The following ATP4A variants were observed in gnomAD, a reference collection of about 807,000 sequenced individuals.
ATP4A encodes the protein ATPase H+/K+ transporting subunit alpha, also known as potassium-transporting ATPase alpha chain 1.
ATP4A carries 73 observed loss-of-function variants against 112.1 expected under a neutral mutation model. The ratio of observed to expected loss-of-function variants is 0.65; its 90% CI spans 0.54 to 0.79. The LOEUF (loss-of-function observed/expected upper bound fraction) is 0.79. Ranked by LOEUF, ATP4A falls within the 30% of genes least tolerant of loss-of-function variation. ATP4A has a pLI of 0.00. For missense variants in ATP4A, 1,081 were observed against 1,425.9 expected (o/e 0.76, Z 3.90); for synonymous variants, 588 against 588.9 (o/e 1.00, Z 0.02).
In ATP4A at chr19:35,555,210, A is replaced by C. The variant is rs747181945; in HGVS notation, c.2282T>G (p.Leu761Arg). Residue 761 changes from leucine to arginine, a missense_variant, in exon 15 of 22, where the codon CTG becomes CGG. Transcript: ENST00000262623. This position sits in a 1 kb window ranked among gnomAD's most constrained non-coding sequence, Gnocchi z 6.6. ...AATGGAGGCAAAGTTGTCATCCAGC[A>C]GGATCATGTCAGCTGCATTTTTGGC... ...DAAKNAADMI[L>R]LDDNFASIVT... The C allele has an allele frequency of 6.2e-7, 1 of 1,614,138 alleles. No homozygotes were observed.
At chr19:35,552,973 CACAAGGCAA>C in intron 18 of ATP4A, 55 bp downstream of exon 18, 1 of 1,519,414 alleles carries the variant, frequency 6.6e-7, no homozygotes, top group Non-Finnish European at 8.9e-7. Context: ...GTGGGCCGCA[CACAAGGCAA>C]GTTGCCCTGG....
rs1336627614 is a variant in ATP4A, at chr19:35,555,481, G to A, written c.2116C>T (p.Pro706Ser). 4 of 1,611,404 alleles carry A rather than the reference G, an allele frequency of 2.5e-6. No individual in the cohort carries two copies. The African/African-American group carries it at 4.0e-5, about 16-fold the overall frequency. The change falls in exon 14 of 22, where the codon CCC becomes TCC. Residue 706 changes from proline (P) to serine (S), a missense_variant. Pro to Ser is a moderately conservative substitution (Grantham distance 74). This residue lies in a region of ATP4A where 850 missense variants were observed against 1,068.2 expected (regional missense o/e 0.80). Transcript: ENST00000262623. The surrounding 1 kb of genome is among the most constrained non-coding windows in gnomAD (Gnocchi z 6.6). ...TCCACGATCACCAGCTTCTGCTGGG[G>A]GCTGGTGCGCGCAAACACCATCTCG... ...HPEMVFARTS[P>S]QQKLVIVESC...
Position 35,562,463 on chromosome 19 carries a change from C to A in ATP4A, c.392G>T (p.Ser131Ile). The A allele has an allele frequency of 6.2e-7, 1 of 1,614,148 alleles. No homozygotes were observed. Among genetic ancestry groups the A allele is most frequent in the Non-Finnish European group, 8.5e-7 (1 of 1,180,006 alleles). Reference protein sequence around the residue: ...ICLIAFAIQASEGDLTTDDNL... With the variant: ...ICLIAFAIQAIEGDLTTDDNL... ...GTCGTCGGTGGTGAGGTCCCCCTCACTAGCCTGGATGGCAAAGGCGATGAG... is the reference window on the plus strand; with the variant it reads ...GTCGTCGGTGGTGAGGTCCCCCTCAATAGCCTGGATGGCAAAGGCGATGAG... The change falls in exon 4 of 22, where the codon AGT becomes ATT. Residue 131 changes from serine (S) to isoleucine (I), a missense_variant. Around this residue, in one of 3 missense-constraint regions of ATP4A, gnomAD observed 850 missense variants for 1,068.2 expected, o/e 0.80. Transcript: ENST00000262623.
At chr19:35,561,678 T>C (rs1309013475) in intron 4 of ATP4A, among the ~76,000 whole-genome samples, 1 of 151,856 alleles carries the variant, frequency 6.6e-6, no homozygotes, top group Non-Finnish European at 1.5e-5. Context: ...CCATTTCCTC[T>C]CTGTCTCTGT....
rs1412383192 is a variant in ATP4A, at chr19:35,555,044, T to C, written c.2359A>G (p.Ile787Val). ...ATGTTCTTGGTCAATGTGTAGGCAA[T>C]AGACTTCTTCAGGTTGTCGAAGATC... is the stretch of plus-strand genomic sequence containing the variant. ...RLIFDNLKKS[I>V]AYTLTKNIPE... Residue 787 changes from isoleucine to valine, a missense_variant, in exon 16 of 22, where the codon ATT becomes GTT. This residue lies in a region of ATP4A where 12 missense variants were observed against 36.8 expected (regional missense o/e 0.33). Transcript: ENST00000262623. This position sits in a 1 kb window ranked among gnomAD's most constrained non-coding sequence, Gnocchi z 6.6. The C allele has an allele frequency of 3.7e-6, 6 of 1,613,816 alleles. No homozygotes were observed. Among genetic ancestry groups the C allele is most frequent in the Non-Finnish European group, 4.2e-6 (5 of 1,179,920 alleles).
Position 35,557,862 on chromosome 19 carries a change from G to T in ATP4A, c.1501-15C>A, listed in dbSNP as rs909067. ...TGGATGGACAGCTGTGGGCGGGGGG[G>T]AGAGGCGAGGCTGTGGACGGGGGAA... On this transcript the variant is annotated splice_polypyrimidine_tract_variant and intron_variant, in intron 10 of 21. Transcript: ENST00000262623. The surrounding 1 kb of genome is among the most constrained non-coding windows in gnomAD (Gnocchi z 4.4). The T allele has an allele frequency of 6.2e-6, 9 of 1,453,372 alleles. No individual in the cohort carries two copies. Among genetic ancestry groups the T allele is most frequent in the South Asian group, 2.8e-5 (2 of 71,254 alleles). 90.0% of individuals were successfully genotyped at this position (1,453,372 alleles called of 1,614,324 possible).
Position 35,557,679 on chromosome 19 carries a change from C to T in ATP4A, c.1669G>A (p.Gly557Arg). Residue 557 changes from glycine (G) to arginine (R), a missense_variant, in exon 11 of 22, where the codon GGA becomes AGA. Physicochemically the swap from Gly to Arg is moderately radical, Grantham distance 125. Coordinates refer to ENST00000262623, the MANE Select transcript of ATP4A (RefSeq NM_000704.3). This position sits in a 1 kb window ranked among gnomAD's most constrained non-coding sequence, Gnocchi z 4.4. ...CCGAGCACGCGTTCGCCCAGGCCTC[C>T]CAGGCTGAGGTAGGCGGTCTGGAAG... ...EAFQTAYLSLGGLGERVLGFC... is the reference protein window; with the variant it reads ...EAFQTAYLSLRGLGERVLGFC... 2 of 1,609,022 alleles carry T rather than the reference C, an allele frequency of 1.2e-6. No homozygotes were observed.
rs754144212 is a variant in ATP4A, at chr19:35,563,513, G to C, written c.27C>G (p.Leu9=). MGKAENYE[L]YSVELGPGPG... is the part of the protein sequence containing the mutation. ...GGCCAGGACCCAGCTCCACCGAGTA[G>C]AGCTCATAGTTCTCCTGGGAATGGA... The change falls in exon 2 of 22, where the codon CTC becomes CTG. Residue 9 remains leucine (L), a synonymous_variant. Coordinates refer to ENST00000262623, the MANE Select transcript of ATP4A (RefSeq NM_000704.3). 6.2e-7 allele frequency: 1 copy of C among 1,613,956 alleles called. No individual in the cohort carries two copies. The highest frequency in any genetic ancestry group is 1.3e-5 in the African/African-American group (1 of 74,882).
intron 4 of ATP4A, 92 bp from the exon 5 acceptor site, chr19:35,561,024 G>T: frequency 1.8e-6 from 2 of 1,086,716 alleles, no homozygotes; most frequent in East Asian, 2.4e-5. Context: ...TGGTTTTCTT[G>T]GTTTTCCCCA....
At chr19:35,556,838 C>A in intron 12 of ATP4A, 75 bp downstream of exon 12, 1 of 1,539,540 alleles carries the variant, frequency 6.5e-7, no homozygotes, top group South Asian at 1.2e-5. Context: ...GTGGGTTTGT[C>A]ATGGGGTTCT....
At chr19:35,554,349 T>G (rs1392106870) in intron 16 of ATP4A, among the ~76,000 whole-genome samples, 1 of 152,158 alleles carries the variant, frequency 6.6e-6, no homozygotes, top group Non-Finnish European at 1.5e-5. Flanking sequence ...TACCTGTCTA[T>G]GCCTTGATGA....
Position 35,559,864 on chromosome 19 carries a change from C to A in ATP4A, c.997G>T (p.Val333Phe). ...CIGYTFLRAM[V>F]FFMAIVVAYV... Reference sequence around the variant, plus strand: ...GCCACCACGATGGCCATGAAGAAGACCATGGCCCGCAGGAAGGTGTAGCCA... The same window carrying A: ...GCCACCACGATGGCCATGAAGAAGAACATGGCCCGCAGGAAGGTGTAGCCA... Residue 333 changes from valine to phenylalanine, a missense_variant, in exon 7 of 22, where the codon GTC becomes TTC. By Grantham distance (50) the Val-to-Phe change is conservative. Coordinates refer to ENST00000262623, the MANE Select transcript of ATP4A (RefSeq NM_000704.3). The surrounding 1 kb of genome is among the most constrained non-coding windows in gnomAD (Gnocchi z 4.1). 1 of 1,614,218 alleles carries A rather than the reference C, an allele frequency of 6.2e-7. No individual in the cohort carries two copies. Among genetic ancestry groups the A allele is most frequent in the Non-Finnish European group, 8.5e-7 (1 of 1,180,036 alleles).
rs2071665919 is a variant in ATP4A, at chr19:35,560,787, G to T, written c.534+32C>A. 6.2e-7 allele frequency: 1 copy of T among 1,605,758 alleles called. No individual in the cohort carries two copies. Among genetic ancestry groups the T allele is most frequent in the Non-Finnish European group, 8.5e-7 (1 of 1,172,584 alleles). On this transcript the variant is annotated intron_variant, in intron 5 of 21. Transcript: ENST00000262623. The surrounding 1 kb of genome is among the most constrained non-coding windows in gnomAD (Gnocchi z 5.1). ...TACAGGAGCAGTTTGGAGTCTCTGG[G>T]ATCTGGAGTGGCTGGGTGCTGGGGA...
At chr19:35,553,308 G>A (rs532143026) in intron 17 of ATP4A, 126 bp from the exon 18 acceptor site, 23 of 1,127,310 alleles carry the variant, frequency 2.0e-5, no homozygotes, top group African/African-American at 1.1e-4. Context: ...ACAGGGACAC[G>A]GGAAGAGAGA....
chr19:35,559,216 G>T lies in ATP4A; in HGVS notation c.1057-25C>A. The T allele has an allele frequency of 1.2e-6, 2 of 1,611,692 alleles. No homozygotes were observed. Among genetic ancestry groups the T allele is most frequent in the Middle Eastern group, 1.7e-4 (1 of 6,060 alleles). On this transcript the variant is annotated intron_variant, in intron 7 of 21. Transcript: ENST00000262623. This position sits in a 1 kb window ranked among gnomAD's most constrained non-coding sequence, Gnocchi z 4.1. ...CCTGGGGAAGGGGTGAGCACCGCAG[G>T]CTGGGGACCCACCCTGGCTTCCAGT... is the stretch of plus-strand genomic sequence containing the variant.
chr19:35,551,584 C>T lies in ATP4A; in HGVS notation c.2752-4G>A. 6.2e-7 allele frequency: 1 copy of T among 1,611,248 alleles called. No homozygotes were observed. Among genetic ancestry groups the T allele is most frequent in the Non-Finnish European group, 8.5e-7 (1 of 1,178,714 alleles). On this transcript the variant is annotated splice_region_variant and splice_polypyrimidine_tract_variant and intron_variant, in intron 18 of 21. Coordinates refer to ENST00000262623, the MANE Select transcript of ATP4A (RefSeq NM_000704.3). The surrounding 1 kb of genome is among the most constrained non-coding windows in gnomAD (Gnocchi z 5.2). Reference sequence around the variant, plus strand: ...GGTACAGGCGCTGCCCGAATGTCTGCAGGCCAGGGGCAAACGGAAACAGCC... The same window carrying T: ...GGTACAGGCGCTGCCCGAATGTCTGTAGGCCAGGGGCAAACGGAAACAGCC...
Position 35,563,287 on chromosome 19 carries a change from C to T in ATP4A, c.157-19G>A. The T allele has an allele frequency of 1.2e-6, 2 of 1,614,038 alleles. No individual in the cohort carries two copies. The highest frequency in any genetic ancestry group is 1.7e-6 in the Non-Finnish European group (2 of 1,180,004). On this transcript the variant is annotated intron_variant, in intron 2 of 21. Coordinates refer to ENST00000262623, the MANE Select transcript of ATP4A (RefSeq NM_000704.3). ...GGTCGTTCTGTGTGGTGGGGTGGGG[C>T]AGGGTGCTTGCTCTGGGCTCTCCTG...
rs569237887 is a variant in ATP4A, at chr19:35,560,491, T to C, written c.659A>G (p.Gln220Arg). ...CGAGGAGTTGTCCACCTTGCAGCCC[T>C]GGGCCGCCAGGATGCGGATGTCGGC... ...VPADIRILAA[Q>R]GCKVDNSSLT... The change falls in exon 6 of 22, where the codon CAG (glutamine) becomes CGG (arginine). Residue 220 changes from glutamine to arginine, a missense_variant. By Grantham distance (43) the Gln-to-Arg change is conservative. Around this residue, in one of 3 missense-constraint regions of ATP4A, gnomAD observed 850 missense variants for 1,068.2 expected, o/e 0.80. Transcript: ENST00000262623. The surrounding 1 kb of genome is among the most constrained non-coding windows in gnomAD (Gnocchi z 5.1). 153 of 1,613,672 alleles carry C rather than the reference T, an allele frequency of 9.5e-5. 2 individuals carry two copies. The Middle Eastern group carries it at 1.5e-3, about 16-fold the overall frequency.
At position 35,551,317 on chromosome 19, in the gene ATP4A, GT is replaced by G. The variant is rs201435168; in HGVS notation, c.2885+129del. 8.9e-6 allele frequency: 13 copies of G among 1,465,916 alleles called. No individual in the cohort carries two copies. The highest frequency in any genetic ancestry group is 1.4e-5 in the African/African-American group (1 of 72,014). 90.8% of individuals were successfully genotyped at this position (1,465,916 alleles called of 1,614,324 possible). A position where few individuals can be genotyped will look rare whatever the true frequency, so the allele number is the denominator to read the frequency against. On this transcript the variant is annotated intron_variant, in intron 19 of 21. Transcript: ENST00000262623. This position sits in a 1 kb window ranked among gnomAD's most constrained non-coding sequence, Gnocchi z 5.2. ...GGGGAGTTATTGGCCAGTTAGAAAG[GT>G]TTTTTTGGCATGTCACCATCTGGCA...
Sources: gnomAD v4.1 joint callset for allele counts (sites outside exome capture counted in the v4.1 genomes callset) on GRCh38, gnomAD v4.1.1 for gene constraint, gnomAD v4.1.1 regional missense constraint, Gnocchi (gnomAD v3.1) non-coding constraint, MANE v1.5 for transcripts, NCBI Gene and HGNC (gene_info 2026-07-23, HGNC 2026-07-21) for gene names.